NUMB: variants seen among roughly 807,000 people sequenced by gnomAD.
NUMB encodes the protein protein numb homolog.
Under a neutral mutation model 59.7 loss-of-function variants are expected in NUMB, and 29 were observed. The observed-to-expected ratio is 0.49, with a 90% confidence interval of 0.36 to 0.66. The LOEUF (loss-of-function observed/expected upper bound fraction) is 0.66. NUMB is among the 30% of genes least tolerant of loss of function. The pLI is 0.00. For missense variants in NUMB, 723 were observed against 822.0 expected (o/e 0.88, Z 1.47); for synonymous variants, 288 against 288.2 (o/e 1.00, Z 0.01).
chr14:73,303,301 C>T (rs1222397376), intron 6 of NUMB, among the ~76,000 whole-genome samples: 1 of 152,012 alleles, frequency 6.6e-6, no homozygotes, highest in African/African-American at 2.4e-5. Context: ...ACATGCTGGC[C>T]AGGCATGGTG....
At chr14:73,351,025 G>A (rs1054150766) in intron 4 of NUMB, among the ~76,000 whole-genome samples, 1 of 152,080 alleles carries the variant, frequency 6.6e-6, no homozygotes, top group Admixed American at 6.6e-5. Flanking sequence ...TTCTGGGTTG[G>A]AGTTGGCTGA....
chr14:73,442,082 G>C (rs1883107666), intron 1 of NUMB, among the ~76,000 whole-genome samples: 1 of 151,450 alleles, frequency 6.6e-6, no homozygotes, highest in Admixed American at 6.6e-5. Context: ...CGGCACAGTA[G>C]CTCACACTTG....
chr14:73,370,914 C>T (rs1894641753), intron 2 of NUMB, among the ~76,000 whole-genome samples: 1 of 152,056 alleles, frequency 6.6e-6, no homozygotes, highest in Non-Finnish European at 1.5e-5. Flanking sequence ...AGAAAATTTG[C>T]AAAGATCATC....
intron 2 of NUMB, among the ~76,000 whole-genome samples, chr14:73,401,770 T>C (rs1896429340): frequency 6.6e-6 from 1 of 151,926 alleles, no homozygotes; most frequent in Non-Finnish European, 1.5e-5. Context: ...GGGGTTTCAC[T>C]GTGCTAGCCA....
chr14:73,302,230 C>T (rs954962672), intron 6 of NUMB, among the ~76,000 whole-genome samples: 2 of 151,924 alleles, frequency 1.3e-5, no homozygotes, highest in African/African-American at 4.8e-5. Flanking sequence ...ACAGATAATA[C>T]GAATTCTTGT....
chr14:73,430,927 G>A (rs1201155199), intron 1 of NUMB, among the ~76,000 whole-genome samples: 10 of 151,690 alleles, frequency 6.6e-5, no homozygotes, highest in Non-Finnish European at 1.0e-4. Context: ...CCTGGGTGAC[G>A]GAGCCAGACT....
At chr14:73,359,648 G>A (rs1296276640) in intron 3 of NUMB, among the ~76,000 whole-genome samples, 1 of 152,168 alleles carries the variant, frequency 6.6e-6, no homozygotes, top group Non-Finnish European at 1.5e-5. Flanking sequence ...GGAATCTGGA[G>A]AGAGAGATTA....
At chr14:73,418,829 G>C (rs535570217) in intron 1 of NUMB, among the ~76,000 whole-genome samples, 4 of 151,690 alleles carry the variant, frequency 2.6e-5, no homozygotes, top group African/African-American at 9.7e-5. Flanking sequence ...AAAAAGCAAA[G>C]CAAACCATAT....
At chr14:73,312,426 C>T (rs537687012) in intron 6 of NUMB, among the ~76,000 whole-genome samples, 3 of 151,868 alleles carry the variant, frequency 2.0e-5, no homozygotes, top group African/African-American at 7.2e-5. Flanking sequence ...CATAAGCCAT[C>T]GAGCACGCTG....
chr14:73,340,679 A>G (rs1892586643), intron 4 of NUMB, among the ~76,000 whole-genome samples: 1 of 152,234 alleles, frequency 6.6e-6, no homozygotes. Context: ...AATGTAGCAC[A>G]TTACTTAGCT....
chr14:73,346,310 GTC>G (rs1892917193), intron 4 of NUMB, among the ~76,000 whole-genome samples: 2 of 151,864 alleles, frequency 1.3e-5, no homozygotes, highest in South Asian at 4.2e-4. Flanking sequence ...AGAAACCCCC[GTC>G]TCTACTAAAA....
intron 2 of NUMB, among the ~76,000 whole-genome samples, chr14:73,367,693 T>C (rs1270491128): frequency 6.7e-6 from 1 of 149,264 alleles, no homozygotes; most frequent in Non-Finnish European, 1.5e-5. Context: ...AAGGATAGGT[T>C]GAGCCTGGGA....
At chr14:73,350,893 T>C (rs1247562051) in intron 4 of NUMB, among the ~76,000 whole-genome samples, 1 of 152,190 alleles carries the variant, frequency 6.6e-6, no homozygotes. Context: ...GTCACCACCC[T>C]AGTCTAACCT....
intron 4 of NUMB, 49 bp downstream of exon 4, chr14:73,355,577 A>C (rs1354537921): frequency 1.3e-6 from 2 of 1,549,700 alleles, no homozygotes; most frequent in Admixed American, 4.1e-5. Context: ...CATACACTAG[A>C]TTGTCAGTTC....
intron 1 of NUMB, among the ~76,000 whole-genome samples, chr14:73,417,446 C>T (rs746972119): frequency 6.5e-4 from 98 of 151,776 alleles, no homozygotes; most frequent in Non-Finnish European, 7.4e-4. Flanking sequence ...TGAGCCATAC[C>T]GCTATCACAA....
chr14:73,388,875 A>G (rs1489689795), intron 2 of NUMB, among the ~76,000 whole-genome samples: 1 of 152,124 alleles, frequency 6.6e-6, no homozygotes, highest in Non-Finnish European at 1.5e-5. Flanking sequence ...AGGTGGGCGG[A>G]TCACGAGGTC....
At chr14:73,449,066 A>G (rs1883744374) in intron 1 of NUMB, among the ~76,000 whole-genome samples, 1 of 152,206 alleles carries the variant, frequency 6.6e-6, no homozygotes, top group Admixed American at 6.5e-5. Flanking sequence ...TAAACAATAC[A>G]GTATAACTAT....
At chr14:73,376,529 GAAA>G (rs61101874) in intron 2 of NUMB, among the ~76,000 whole-genome samples, 1 of 141,370 alleles carries the variant, frequency 7.1e-6, no homozygotes, top group Admixed American at 7.2e-5. Flanking sequence ...AGTTTATATG[GAAA>G]AAAAAAAAAC....
At chr14:73,340,911 C>G (rs1173910034) in intron 4 of NUMB, among the ~76,000 whole-genome samples, 2 of 152,172 alleles carry the variant, frequency 1.3e-5, no homozygotes, top group Non-Finnish European at 2.9e-5. Context: ...TTCCCCCATG[C>G]TGTTCTCGTG....
Sources: allele counts gnomAD v4.1 joint callset (sites outside exome capture counted in the v4.1 genomes callset), GRCh38; gene constraint gnomAD v4.1.1; transcripts MANE v1.5; gene names NCBI Gene and HGNC (gene_info 2026-07-23, HGNC 2026-07-21).